Variants in ABCA13 observed in about 807,000 individuals in gnomAD.
ABCA13 encodes ATP binding cassette subfamily A member 13.
ABCA13 carries 476 observed loss-of-function variants against 478.7 expected under a neutral mutation model. The ratio of observed to expected loss-of-function variants is 0.99; its 90% CI spans 0.92 to 1.07. The LOEUF is 1.07. Ranked by LOEUF, ABCA13 falls within the 50% of genes least tolerant of loss-of-function variation. The probability of loss-of-function intolerance (pLI) is 0.00; values close to 1 mark genes in which losing one functional copy is unlikely to be tolerated. For missense variants in ABCA13, 6,060 were observed against 5,910.6 expected (o/e 1.03, Z -0.83); for synonymous variants, 2,252 against 2,158.9 (o/e 1.04, Z -1.20).
chr7:48,276,468 T>C lies in ABCA13; in HGVS notation c.6802T>C (p.Leu2268=). The change falls in exon 17 of 62, where the codon TTG becomes CTG. Residue 2268 remains leucine (L), a synonymous_variant. Transcript: ENST00000435803. Reference sequence around the variant, plus strand: ...CATAGTAGATTTCACAGAACAGTTTTTGAAAACATTCTTCTCCCTTTTTCT... The same window carrying C: ...CATAGTAGATTTCACAGAACAGTTTCTGAAAACATTCTTCTCCCTTTTTCT... ...RSIVDFTEQF[L]KTFFSLFLKE... is the part of the protein sequence containing the mutation. 1.9e-6 allele frequency: 3 copies of C among 1,603,820 alleles called. No individual in the cohort carries two copies. Among genetic ancestry groups the C allele is most frequent in the Non-Finnish European group, 2.6e-6 (3 of 1,175,782 alleles).
chr7:48,256,758 A>G (rs1420348810), intron 15 of ABCA13, among the ~76,000 whole-genome samples: 1 of 152,158 alleles, frequency 6.6e-6, no homozygotes, highest in Non-Finnish European at 1.5e-5. Context: ...TGTAATCCCT[A>G]CAGCATTGCT....
At chr7:48,583,494 T>C (rs1307681895) in intron 56 of ABCA13, among the ~76,000 whole-genome samples, 1 of 152,218 alleles carries the variant, frequency 6.6e-6, no homozygotes, top group Non-Finnish European at 1.5e-5. Context: ...CAATTTATTT[T>C]GGCTCCAGTG....
At chr7:48,527,021 G>A (rs187306156) in intron 54 of ABCA13, among the ~76,000 whole-genome samples, 1 of 152,158 alleles carries the variant, frequency 6.6e-6, no homozygotes, top group Non-Finnish European at 1.5e-5. Flanking sequence ...ACTGAAAGGT[G>A]CATGAGTGGT....
chr7:48,484,376 T>C (rs1307167666), intron 47 of ABCA13, among the ~76,000 whole-genome samples: 1 of 152,224 alleles, frequency 6.6e-6, no homozygotes, highest in African/African-American at 2.4e-5. Context: ...AAGCTTGATA[T>C]GAAAATATCA....
intron 55 of ABCA13, among the ~76,000 whole-genome samples, chr7:48,557,185 A>G (rs544064315): frequency 1.3e-5 from 2 of 152,040 alleles, no homozygotes; most frequent in South Asian, 4.1e-4. Flanking sequence ...ATTATTTTTG[A>G]TTGGGTTCAT....
chr7:48,410,093 C>CAAAAAAAAAAAA (rs58724216), intron 39 of ABCA13, among the ~76,000 whole-genome samples: 4 of 67,194 alleles, frequency 6.0e-5, no homozygotes, highest in Admixed American at 1.8e-4. Flanking sequence ...GACTCCATCT[C>CAAAAAAAAAAAA]AAAAAAAAAA....
chr7:48,569,184 T>C (rs1787370224), intron 55 of ABCA13, among the ~76,000 whole-genome samples: 1 of 152,148 alleles, frequency 6.6e-6, no homozygotes, highest in African/African-American at 2.4e-5. Context: ...GTTTTTCTAA[T>C]TTCTTAATGT....
intron 56 of ABCA13, among the ~76,000 whole-genome samples, chr7:48,586,681 C>T (rs182807080): frequency 5.3e-5 from 8 of 152,256 alleles, no homozygotes; most frequent in Admixed American, 3.3e-4. Context: ...CAGTGTCACA[C>T]AATATACCCA....
chr7:48,355,985 A>G (rs1434302597), intron 31 of ABCA13, among the ~76,000 whole-genome samples: 1 of 151,880 alleles, frequency 6.6e-6, no homozygotes, highest in Non-Finnish European at 1.5e-5. Context: ...CATGGGAAGG[A>G]GTATAGATAG....
At chr7:48,311,677 A>G (rs1435547610) in intron 24 of ABCA13, among the ~76,000 whole-genome samples, 1 of 152,208 alleles carries the variant, frequency 6.6e-6, no homozygotes, top group Admixed American at 6.5e-5. Flanking sequence ...TGACATCATC[A>G]TTAATAACAA....
At chr7:48,293,204 C>CCCCCCCCCCCCCCCCAA (rs1554419805) in intron 20 of ABCA13, among the ~76,000 whole-genome samples, 1 of 131,446 alleles carries the variant, frequency 7.6e-6, no homozygotes, top group Non-Finnish European at 1.6e-5. Context: ...CCCCCCCCCG[C>CCCCCCCCCCCCCCCCAA]CACACACACA....
rs1041068668 is a variant in ABCA13 at position 48,353,029 on chromosome 7, G to T, written c.10688+542G>T. On this transcript the variant is annotated intron_variant, in intron 31 of 61. Transcript: ENST00000435803. ...GCTCAGTGAAGGGCTGGAGCAGCTG[G>T]ACAAGAGGACTTGGAGGGGACATCA... 4.6e-5 allele frequency among the ~76,000 whole-genome samples: 7 copies of T among 151,930 alleles called. 1 individual carries two copies. Among genetic ancestry groups the T allele is most frequent in the African/African-American group, 7.3e-5 (3 of 41,210 alleles).
At chr7:48,370,867 A>G (rs1429274849) in intron 32 of ABCA13, among the ~76,000 whole-genome samples, 1 of 152,194 alleles carries the variant, frequency 6.6e-6, no homozygotes, top group Non-Finnish European at 1.5e-5. Context: ...GCAGAAGAAA[A>G]GAAATAACAA....
intron 42 of ABCA13, among the ~76,000 whole-genome samples, chr7:48,430,689 A>C (rs1433519321): frequency 1.3e-5 from 2 of 150,918 alleles, no homozygotes; most frequent in African/African-American, 4.9e-5. Context: ...AAAAAAAAAA[A>C]AGCCTGTAGT....
intron 61 of ABCA13, 86 bp from the exon 62 acceptor site, chr7:48,645,331 G>T: frequency 9.4e-7 from 1 of 1,067,240 alleles, no homozygotes; most frequent in Non-Finnish European, 1.4e-6. Context: ...GTTGGCCAGT[G>T]TTCTGAGACA....
chr7:48,295,730 C>G lies in ABCA13; in HGVS notation c.8986C>G (p.Gln2996Glu), dbSNP rs200234642. The G allele has an allele frequency of 2.9e-5, 47 of 1,613,940 alleles. No homozygotes were observed. The highest frequency in any genetic ancestry group is 1.0e-4 in the Admixed American group (6 of 60,014). Residue 2996 changes from glutamine (Q) to glutamate (E), a missense_variant, in exon 21 of 62, where the codon CAG becomes GAG. Coordinates refer to ENST00000435803, the MANE Select transcript of ABCA13 (RefSeq NM_152701.5). The part of the protein sequence containing the change: ...EIEKIWSSPN[Q>E]LNCESLSKNL... ...TGAAAAGATATGGTCCTCGCCGAAT[C>G]AGCTAAATTGTGAAAGTCTTAGCAA...
At chr7:48,441,247 T>A (rs1052210701) in intron 42 of ABCA13, among the ~76,000 whole-genome samples, 20 of 152,098 alleles carry the variant, frequency 1.3e-4, no homozygotes, top group African/African-American at 4.6e-4. Context: ...CTAAGTAAAG[T>A]GATTTAGTTG....
chr7:48,434,197 T>C (rs35425284), intron 42 of ABCA13, among the ~76,000 whole-genome samples: 5,036 of 152,140 alleles, frequency 0.033, 135 homozygotes, highest in South Asian at 0.13. Flanking sequence ...TTTTAAATAA[T>C]AATCATCCTA....
intron 6 of ABCA13, 136 bp downstream of exon 6, chr7:48,227,561 T>C (rs1432775815): frequency 1.9e-5 from 20 of 1,026,384 alleles, no homozygotes; most frequent in African/African-American, 6.5e-5. Flanking sequence ...CAAGAGGAGC[T>C]TCTGCACCTC....
Sources: gnomAD v4.1 joint callset for allele counts (sites outside exome capture counted in the v4.1 genomes callset) on GRCh38, gnomAD v4.1.1 for gene constraint, MANE v1.5 for transcripts, NCBI Gene and HGNC (gene_info 2026-07-23, HGNC 2026-07-21) for gene names.